The following DNMBP variants were observed in gnomAD, a reference collection of about 807,000 sequenced individuals.
DNMBP encodes dynamin binding protein.
DNMBP carries 87 observed loss-of-function variants against 150.0 expected under a neutral mutation model. The observed-to-expected ratio is 0.58, with a 90% CI of 0.49 to 0.69. The LOEUF (loss-of-function observed/expected upper bound fraction) is 0.69, where lower values mean the gene tolerates loss of function less well. Among genes scored for constraint, DNMBP ranks in the 30% least tolerant of loss-of-function variants. The pLI, the probability that DNMBP is intolerant of heterozygous loss-of-function variation, is 0.00. For synonymous variants in DNMBP, 711 were observed against 750.4 expected (o/e 0.95, Z 0.86); for missense variants, 1,774 against 1,949.0 (o/e 0.91, Z 1.69).
At chr10:99,941,206 C>T (rs1000434210) in intron 4 of DNMBP, among the ~76,000 whole-genome samples, 2 of 151,992 alleles carry the variant, frequency 1.3e-5, no homozygotes, top group African/African-American at 4.8e-5. Context: ...TTCGTGAAAC[C>T]GTTTTTCCAT....
chr10:99,888,000 T>G (rs1277547686), intron 12 of DNMBP, among the ~76,000 whole-genome samples: 1 of 152,020 alleles, frequency 6.6e-6, no homozygotes, highest in African/African-American at 2.4e-5. Flanking sequence ...AATTTTGTAT[T>G]TTTAGTAGAG....
intron 2 of DNMBP, 85 bp from the exon 3 acceptor site, chr10:99,969,322 G>T: frequency 7.0e-7 from 1 of 1,428,478 alleles, no homozygotes; most frequent in Non-Finnish European, 9.7e-7. Flanking sequence ...TTTCTTCTGA[G>T]TCCATGTATA....
At chr10:99,940,687 CT>C (rs1477451361) in intron 4 of DNMBP, among the ~76,000 whole-genome samples, 1 of 152,170 alleles carries the variant, frequency 6.6e-6, no homozygotes, top group Non-Finnish European at 1.5e-5. Flanking sequence ...TAGCAAAACT[CT>C]TCGAAAGACT....
At chr10:99,935,236 C>A (rs370596298) in intron 4 of DNMBP, among the ~76,000 whole-genome samples, 40 of 151,674 alleles carry the variant, frequency 2.6e-4, no homozygotes, top group African/African-American at 3.4e-4. Context: ...GTTGAAGAAT[C>A]ATCATCATTA....
intron 1 of DNMBP, among the ~76,000 whole-genome samples, chr10:99,979,317 C>G (rs181805953): frequency 6.6e-6 from 1 of 152,128 alleles, no homozygotes; most frequent in Non-Finnish European, 1.5e-5. Context: ...AAATAAAGCC[C>G]GAGCACTAAT....
At chr10:99,913,637 C>A (rs1053623325) in intron 4 of DNMBP, among the ~76,000 whole-genome samples, 2 of 152,006 alleles carry the variant, frequency 1.3e-5, no homozygotes, top group Non-Finnish European at 1.5e-5. Flanking sequence ...TTGTGGCTTA[C>A]CCCCCACCCC....
chr10:99,896,299 G>C lies in DNMBP; in HGVS notation c.3019C>G (p.His1007Asp). ...GCAAAGCCAGTGAGATGCTTCAGGT[G>C]ACTGCTAACTCGGTTGGATTTCTTG... ...IIKKSNRVSS[H>D]LKHLTGFAPQ... The change falls in exon 10 of 17, where the codon CAC becomes GAC. Residue 1007 changes from histidine to aspartate, a missense_variant. Physicochemically the swap from His to Asp is moderately conservative, Grantham distance 81. Coordinates refer to ENST00000324109, the MANE Select transcript of DNMBP (RefSeq NM_015221.4). 6.2e-7 allele frequency: 1 copy of C among 1,614,162 alleles called. No homozygotes were observed. The highest frequency in any genetic ancestry group is 1.7e-5 in the Admixed American group (1 of 60,016).
At chr10:99,898,682 G>A (rs1008021321) in intron 8 of DNMBP, 61 bp downstream of exon 8, 5 of 1,574,864 alleles carry the variant, frequency 3.2e-6, no homozygotes, top group Admixed American at 1.7e-5. Context: ...TTGCTTAAGA[G>A]TTAGTTAGGA....
rs1434795842 is a variant in DNMBP at position 99,908,988 on chromosome 10, T to A, written c.2419A>T (p.Ile807Phe). The A allele has an allele frequency of 2.5e-6, 4 of 1,614,078 alleles. No homozygotes were observed. The highest frequency in any genetic ancestry group is 3.3e-5 in the Admixed American group (2 of 59,992). Reference protein sequence around the residue: ...RDYIRDLEMCIERIMVPMQQA... With the variant: ...RDYIRDLEMCFERIMVPMQQA... ...TGCATGGGTACCATGATCCGCTCAA[T>A]ACACATTTCCAGATCCCGAATGTAG... Residue 807 changes from isoleucine to phenylalanine, a missense_variant, in exon 5 of 17, where the codon ATT (isoleucine) becomes TTT (phenylalanine). Physicochemically the swap from Ile to Phe is conservative, Grantham distance 21. Transcript: ENST00000324109.
intron 11 of DNMBP, among the ~76,000 whole-genome samples, chr10:99,891,725 G>A (rs1333385653): frequency 1.4e-5 from 2 of 146,322 alleles, no homozygotes; most frequent in East Asian, 1.9e-4. Flanking sequence ...CCTGGGAAGT[G>A]AGGAGCACCT....
intron 4 of DNMBP, among the ~76,000 whole-genome samples, chr10:99,947,088 G>A (rs768826039): frequency 4.7e-4 from 72 of 152,338 alleles, no homozygotes; most frequent in Admixed American, 3.1e-3. Context: ...CATGGTTGTA[G>A]AGAAAAGGGA....
rs187947191 is a variant in DNMBP, at chr10:99,942,056, T to C, written c.2260+13158A>G. Among the ~76,000 whole-genome samples, 508 of 152,320 alleles carry C rather than the reference T, an allele frequency of 3.3e-3. 3 individuals are homozygous for C. Among genetic ancestry groups the C allele is most frequent in the Middle Eastern group, 0.01 (3 of 294 alleles). ...TCTCTTCTTACCCTAAATGATGAAC[T>C]ACAACTGTGCCGTTGCTCTAGCTGA... On this transcript the variant is annotated intron_variant, in intron 4 of 16. Coordinates refer to ENST00000324109, the MANE Select transcript of DNMBP (RefSeq NM_015221.4).
At chr10:99,929,076 T>A (rs1291488864) in intron 4 of DNMBP, among the ~76,000 whole-genome samples, 1 of 151,972 alleles carries the variant, frequency 6.6e-6, no homozygotes, top group African/African-American at 2.4e-5. Flanking sequence ...CCCAGGAGTT[T>A]GAGGCTGCAG....
chr10:99,882,700 T>A (rs2039387504), intron 15 of DNMBP, among the ~76,000 whole-genome samples: 1 of 152,234 alleles, frequency 6.6e-6, no homozygotes, highest in African/African-American at 2.4e-5. Flanking sequence ...GTGTCATTCA[T>A]GTTGGAGATG....
intron 1 of DNMBP, among the ~76,000 whole-genome samples, chr10:100,003,052 T>TA (rs1288212857): frequency 1.3e-5 from 2 of 152,102 alleles, no homozygotes; most frequent in East Asian, 3.9e-4. Context: ...GAATAAGAAG[T>TA]ATAAGAATGG....
At chr10:99,930,862 G>C in intron 4 of DNMBP, 1 of 580,948 alleles carries the variant, frequency 1.7e-6, no homozygotes, top group South Asian at 2.2e-5. Flanking sequence ...GATTTGTCCT[G>C]CTTAAAATGT....
chr10:99,913,990 G>A, intron 4 of DNMBP: 1 of 1,498,306 alleles, frequency 6.7e-7, no homozygotes, highest in Non-Finnish European at 8.9e-7. Flanking sequence ...GGAGGTGTGG[G>A]CCTGAGGGTA....
chr10:99,902,351 C>G (rs1052851475), intron 6 of DNMBP, among the ~76,000 whole-genome samples: 1 of 130,338 alleles, frequency 7.7e-6, no homozygotes, highest in African/African-American at 2.8e-5. Flanking sequence ...GCTGTGTCAC[C>G]CAGGCTGGAG....
chr10:99,980,643 TA>T (rs559910759), intron 1 of DNMBP, among the ~76,000 whole-genome samples: 9,214 of 144,010 alleles, frequency 0.064, 322 homozygotes, highest in South Asian at 0.1. Flanking sequence ...AAATTAGAAT[TA>T]AAAAAAAAAA....
Sources: allele counts gnomAD v4.1 joint callset (sites outside exome capture counted in the v4.1 genomes callset), GRCh38; gene constraint gnomAD v4.1.1; transcripts MANE v1.5; gene names NCBI Gene and HGNC (gene_info 2026-07-23, HGNC 2026-07-21).